TBC1D22A: variants seen among roughly 807,000 people sequenced by gnomAD.
The protein encoded by TBC1D22A is putative GTPase activator.
In TBC1D22A, 38 loss-of-function variants were observed where a neutral mutation model predicts 60.2. That is an observed-to-expected ratio of 0.63 (90% CI 0.49 to 0.83). TBC1D22A has a LOEUF of 0.83. Ranked by LOEUF, TBC1D22A falls within the 40% of genes least tolerant of loss-of-function variation. The pLI, the probability that TBC1D22A is intolerant of heterozygous loss-of-function variation, is 0.00. For synonymous variants in TBC1D22A, 302 were observed against 281.7 expected (o/e 1.07, Z -0.72); for missense variants, 628 against 701.0 (o/e 0.90, Z 1.18).
chr22:47,082,027 G>A (rs369343647), intron 11 of TBC1D22A, among the ~76,000 whole-genome samples: 1 of 152,118 alleles, frequency 6.6e-6, no homozygotes, highest in Non-Finnish European at 1.5e-5. Context: ...GCGTGGTGAC[G>A]CATGCCTGTA....
intron 10 of TBC1D22A, among the ~76,000 whole-genome samples, chr22:47,029,935 C>T (rs574851645): frequency 6.6e-6 from 1 of 152,326 alleles, no homozygotes; most frequent in South Asian, 2.1e-4. Context: ...CCTCTGCCCA[C>T]CATTGGCAGT....
At chr22:47,017,644 G>A (rs1239267059) in intron 10 of TBC1D22A, among the ~76,000 whole-genome samples, 1 of 152,198 alleles carries the variant, frequency 6.6e-6, no homozygotes, top group Non-Finnish European at 1.5e-5. Flanking sequence ...AGAAAACGGA[G>A]GAAATTGTGA....
intron 8 of TBC1D22A, among the ~76,000 whole-genome samples, chr22:46,963,220 C>T (rs2073608969): frequency 1.1e-5 from 1 of 92,050 alleles, no homozygotes; most frequent in African/African-American, 5.1e-5. Flanking sequence ...AAGACTCCGT[C>T]TCAAAAAAAA....
chr22:46,920,093 A>AT (rs909308592), intron 8 of TBC1D22A, among the ~76,000 whole-genome samples: 3 of 152,118 alleles, frequency 2.0e-5, no homozygotes, highest in Non-Finnish European at 2.9e-5. Flanking sequence ...GTATGAATGA[A>AT]GGAGAGAGAC....
At chr22:46,978,439 A>G (rs1362446260) in intron 9 of TBC1D22A, among the ~76,000 whole-genome samples, 1 of 152,268 alleles carries the variant, frequency 6.6e-6, no homozygotes, top group Non-Finnish European at 1.5e-5. Context: ...TTTAGTGAGA[A>G]GAAAGGCATT....
At chr22:46,883,623 A>G (rs973237207) in intron 5 of TBC1D22A, among the ~76,000 whole-genome samples, 3 of 152,172 alleles carry the variant, frequency 2.0e-5, no homozygotes, top group South Asian at 2.1e-4. Context: ...CAAGTTCACT[A>G]TGGATTTTTT....
intron 3 of TBC1D22A, among the ~76,000 whole-genome samples, chr22:46,796,962 C>A (rs2084680875): frequency 6.6e-6 from 1 of 152,208 alleles, no homozygotes; most frequent in Admixed American, 6.5e-5. Context: ...CCTCGCAGCG[C>A]CCTGGTTCCT....
intron 12 of TBC1D22A, among the ~76,000 whole-genome samples, chr22:47,133,319 G>A (rs1036077136): frequency 6.6e-6 from 1 of 152,218 alleles, no homozygotes; most frequent in Non-Finnish European, 1.5e-5. Context: ...TAGACGTAGT[G>A]TGGAGTCTGG....
chr22:46,879,549 C>A (rs773057728), intron 5 of TBC1D22A, among the ~76,000 whole-genome samples: 1 of 152,140 alleles, frequency 6.6e-6, no homozygotes, highest in African/African-American at 2.4e-5. Context: ...CTTAGTACCT[C>A]GTAATCCTAA....
intron 1 of TBC1D22A, among the ~76,000 whole-genome samples, chr22:46,776,188 G>A (rs2083695702): frequency 6.6e-6 from 1 of 152,218 alleles, no homozygotes; most frequent in Admixed American, 6.5e-5. Context: ...CTGGGGTGTG[G>A]GGCGTGTTCT....
At chr22:46,803,588 G>C (rs548398311) in intron 4 of TBC1D22A, among the ~76,000 whole-genome samples, 2 of 152,210 alleles carry the variant, frequency 1.3e-5, no homozygotes, top group African/African-American at 2.4e-5. Flanking sequence ...AGCAGGGCAC[G>C]TTGGCCTTGT....
chr22:46,984,338 GC>G (rs1162383072), intron 9 of TBC1D22A, among the ~76,000 whole-genome samples: 1 of 118,764 alleles, frequency 8.4e-6, no homozygotes, highest in African/African-American at 3.2e-5. Context: ...CTGCCCTCCA[GC>G]CGGGGCGACA....
chr22:46,897,381 T>G (rs1002048509), intron 7 of TBC1D22A, among the ~76,000 whole-genome samples: 1 of 152,080 alleles, frequency 6.6e-6, no homozygotes, highest in African/African-American at 2.4e-5. Context: ...AATGAGAGGC[T>G]GAAGTGAAGC....
chr22:47,123,830 G>A (rs2066358493), intron 12 of TBC1D22A, among the ~76,000 whole-genome samples: 1 of 152,240 alleles, frequency 6.6e-6, no homozygotes, highest in South Asian at 2.1e-4. Flanking sequence ...GTGAAAGTGT[G>A]GGGTTTGCAG....
chr22:46,941,418 A>AATATATATACACAGAATATACGGAATAT (rs199956302), intron 8 of TBC1D22A, among the ~76,000 whole-genome samples: 1 of 82,870 alleles, frequency 1.2e-5, no homozygotes, highest in African/African-American at 4.5e-5. Flanking sequence ...ATATATACGG[A>AATATATATACACAGAATATACGGAATAT]ATATACACGG....
intron 5 of TBC1D22A, among the ~76,000 whole-genome samples, chr22:46,885,338 C>T (rs1283786491): frequency 1.3e-5 from 2 of 152,098 alleles, no homozygotes; most frequent in East Asian, 3.9e-4. Flanking sequence ...GCCTTCGTGT[C>T]CATGTGACTC....
intron 9 of TBC1D22A, among the ~76,000 whole-genome samples, chr22:46,986,706 T>C (rs136123): frequency 0.4 from 60,018 of 151,944 alleles, 13,382 homozygotes; most frequent in African/African-American, 0.62. Flanking sequence ...TGGATTGATA[T>C]GCTAGGGGTA....
In TBC1D22A at chr22:47,094,315, C is replaced by T. The variant is rs115684691; in HGVS notation, c.1330-17193C>T. ...GTCTGTGGGACGATTGGGTGGGTTT[C>T]AAGGCTAACATTTAAGTCAGGGGAC... On this transcript the variant is annotated intron_variant, in intron 11 of 12. Coordinates refer to ENST00000337137, the MANE Select transcript of TBC1D22A (RefSeq NM_014346.5). Among the ~76,000 whole-genome samples, 1,112 of 152,334 alleles carry T rather than the reference C, an allele frequency of 7.3e-3. 14 individuals are homozygous for T. Among genetic ancestry groups the T allele is most frequent in the African/African-American group, 0.025 (1,033 of 41,574 alleles).
chr22:47,076,948 C>A (rs2064254589), intron 11 of TBC1D22A, among the ~76,000 whole-genome samples: 1 of 152,102 alleles, frequency 6.6e-6, no homozygotes, highest in Non-Finnish European at 1.5e-5. Flanking sequence ...TGTCAGTATC[C>A]CAGCTAGCAG....
Sources: allele counts gnomAD v4.1 joint callset (sites outside exome capture counted in the v4.1 genomes callset), GRCh38; gene constraint gnomAD v4.1.1; transcripts MANE v1.5; gene names NCBI Gene and HGNC (gene_info 2026-07-23, HGNC 2026-07-21).